Variants in CMIP observed in about 807,000 individuals in gnomAD.
The protein encoded by CMIP is C-Maf-inducing protein.
CMIP carries 13 observed loss-of-function variants against 97.3 expected under a neutral mutation model. The ratio of observed to expected loss-of-function variants is 0.13; its 90% CI spans 0.09 to 0.21. The LOEUF (loss-of-function observed/expected upper bound fraction) is 0.21, where lower values mean the gene tolerates loss of function less well. Among genes scored for constraint, CMIP ranks in the 10% least tolerant of loss-of-function variants. CMIP has a pLI of 1.00. For synonymous variants in CMIP, 538 were observed against 436.3 expected (o/e 1.23, Z -2.91); for missense variants, 847 against 1,024.9 (o/e 0.83, Z 2.37).
chr16:81,582,087 C>G (rs377223534), intron 1 of CMIP, among the ~76,000 whole-genome samples: 5 of 152,088 alleles, frequency 3.3e-5, no homozygotes, highest in African/African-American at 1.2e-4. Context: ...CTTTAAACCA[C>G]CAGATCTCAT....
chr16:81,592,716 A>C (rs929687175), intron 1 of CMIP, among the ~76,000 whole-genome samples: 4 of 151,892 alleles, frequency 2.6e-5, no homozygotes, highest in African/African-American at 9.7e-5. Flanking sequence ...ATGGACCCGA[A>C]CCTCCTTTTC....
chr16:81,586,933 G>C (rs894251316), intron 1 of CMIP, among the ~76,000 whole-genome samples: 1 of 152,198 alleles, frequency 6.6e-6, no homozygotes, highest in Non-Finnish European at 1.5e-5. Context: ...GAGCTCGCTG[G>C]ATTCAAATCT....
intron 3 of CMIP, among the ~76,000 whole-genome samples, chr16:81,637,925 G>C (rs1435390048): frequency 1.3e-5 from 2 of 152,124 alleles, no homozygotes; most frequent in East Asian, 3.9e-4. Flanking sequence ...ATGGGAAGGG[G>C]TGAGGGAGCT....
At chr16:81,532,161 G>A (rs941362205) in intron 1 of CMIP, among the ~76,000 whole-genome samples, 9 of 152,186 alleles carry the variant, frequency 5.9e-5, no homozygotes, top group Admixed American at 3.9e-4. Context: ...AAGTGTTTCC[G>A]CTGCTTTCAG....
intron 1 of CMIP, among the ~76,000 whole-genome samples, chr16:81,469,434 G>A (rs1014651957): frequency 2.0e-5 from 3 of 152,248 alleles, no homozygotes; most frequent in Non-Finnish European, 4.4e-5. Flanking sequence ...AGGATTCAGT[G>A]AGATAATGCA....
chr16:81,701,897 C>A, intron 16 of CMIP, 97 bp downstream of exon 16: 1 of 1,456,132 alleles, frequency 6.9e-7, no homozygotes, highest in Non-Finnish European at 9.5e-7. Context: ...CTGAGTGGAC[C>A]TCAATCTCGT....
intron 19 of CMIP, among the ~76,000 whole-genome samples, chr16:81,706,154 A>G (rs1008405482): frequency 3.9e-5 from 6 of 152,224 alleles, no homozygotes; most frequent in African/African-American, 1.4e-4. Context: ...AGGTGACTGA[A>G]CTAGCCTCAG....
At chr16:81,457,510 T>A (rs1226314235) in intron 1 of CMIP, among the ~76,000 whole-genome samples, 2 of 152,156 alleles carry the variant, frequency 1.3e-5, no homozygotes, top group Admixed American at 6.5e-5. Context: ...GAGCTTTTAT[T>A]CTAGGTTGGC....
At chr16:81,484,538 C>G (rs2089285394) in intron 1 of CMIP, among the ~76,000 whole-genome samples, 1 of 152,188 alleles carries the variant, frequency 6.6e-6, no homozygotes. Flanking sequence ...AGCATCTCCT[C>G]TTCCCCCTTG....
In CMIP at chr16:81,465,893, C is replaced by G. The variant is rs2150741964; in HGVS notation, c.300+20352C>G. On this transcript the variant is annotated intron_variant, in intron 1 of 20. Coordinates refer to ENST00000537098, the MANE Select transcript of CMIP (RefSeq NM_198390.3). ...GCTGAGGGCTGGGCTGTGGGGTGAA[C>G]CAAACACAGCCCCACTAGAACACCT... Among the ~76,000 whole-genome samples, 3 of 152,312 alleles carry G rather than the reference C, an allele frequency of 2.0e-5. 1 individual carries two copies. Among genetic ancestry groups the G allele is most frequent in the South Asian group, 2.1e-4 (1 of 4,822 alleles).
intron 3 of CMIP, among the ~76,000 whole-genome samples, chr16:81,623,241 A>G (rs970132279): frequency 6.6e-6 from 1 of 152,214 alleles, no homozygotes; most frequent in Non-Finnish European, 1.5e-5. Flanking sequence ...TGTGGGATTC[A>G]GACAGTTGAT....
At chr16:81,592,666 G>C (rs1235689170) in intron 1 of CMIP, among the ~76,000 whole-genome samples, 1 of 152,244 alleles carries the variant, frequency 6.6e-6, no homozygotes, top group Non-Finnish European at 1.5e-5. Flanking sequence ...CTTCCATGTG[G>C]CCGTTCCACT....
intron 1 of CMIP, among the ~76,000 whole-genome samples, chr16:81,527,628 C>G (rs1351275245): frequency 6.6e-6 from 1 of 152,188 alleles, no homozygotes; most frequent in Non-Finnish European, 1.5e-5. Context: ...CGCGATAACT[C>G]TCCTGACCAC....
chr16:81,659,071 C>G (rs2092516421), intron 5 of CMIP, among the ~76,000 whole-genome samples: 1 of 152,338 alleles, frequency 6.6e-6, no homozygotes, highest in Admixed American at 6.5e-5. Flanking sequence ...GAGGTTTTCT[C>G]CATGCTTTCA....
chr16:81,631,087 A>C (rs1314215102), intron 3 of CMIP: 3 of 152,352 alleles, frequency 2.0e-5, no homozygotes, highest in Non-Finnish European at 4.4e-5. Flanking sequence ...CAGGGATTGA[A>C]ACTAACAAGT....
chr16:81,568,346 A>C (rs986240505), intron 1 of CMIP, among the ~76,000 whole-genome samples: 1 of 152,008 alleles, frequency 6.6e-6, no homozygotes, highest in Admixed American at 6.5e-5. Flanking sequence ...CCCTCTGCCC[A>C]CTGAAAGTGG....
intron 1 of CMIP, among the ~76,000 whole-genome samples, chr16:81,536,201 G>A (rs985261500): frequency 6.6e-6 from 1 of 152,190 alleles, no homozygotes; most frequent in African/African-American, 2.4e-5. Flanking sequence ...AGGCTTGTTT[G>A]GTGTGAAGGC....
In CMIP at chr16:81,678,643, CG is replaced by C; in HGVS notation, c.1388+16del. On this transcript the variant is annotated intron_variant, in intron 10 of 20. Transcript: ENST00000537098. ...CTCAAGCTGCTGTGAGTGCCCCCCC[CG>C]CGTGCCCGCCCCCGGGGCCGGTGGG... 1.5e-6 allele frequency: 2 copies of C among 1,327,310 alleles called. No homozygotes were observed. The highest frequency in any genetic ancestry group is 2.1e-6 in the Non-Finnish European group (2 of 941,134). The allele number at this position is 1,327,310 out of a possible 1,614,324, so 82.2% of individuals were successfully genotyped here.
intron 1 of CMIP, among the ~76,000 whole-genome samples, chr16:81,552,462 A>T (rs1294128219): frequency 1.3e-5 from 2 of 152,138 alleles, no homozygotes; most frequent in African/African-American, 4.8e-5. Flanking sequence ...TTTTCTCCAG[A>T]GGTTCTAGGG....
Sources: gnomAD v4.1 joint callset for allele counts (sites outside exome capture counted in the v4.1 genomes callset) on GRCh38, gnomAD v4.1.1 for gene constraint, MANE v1.5 for transcripts, NCBI Gene and HGNC (gene_info 2026-07-23, HGNC 2026-07-21) for gene names.